The following GABRB1 variants were observed in gnomAD, a reference collection of about 807,000 sequenced individuals.
GABRB1 encodes the protein gamma-aminobutyric acid receptor subunit beta-1.
Under a neutral mutation model 51.6 loss-of-function variants are expected in GABRB1, and 17 were observed. The observed-to-expected ratio is 0.33, with a 90% CI of 0.23 to 0.49. The LOEUF is 0.49. Among genes scored for constraint, GABRB1 ranks in the 20% least tolerant of loss-of-function variants. The pLI, the probability that GABRB1 is intolerant of heterozygous loss-of-function variation, is 0.99. For synonymous variants in GABRB1, 247 were observed against 218.9 expected (o/e 1.13, Z -1.14); for missense variants, 410 against 600.6 (o/e 0.68, Z 3.32).
intron 3 of GABRB1, among the ~76,000 whole-genome samples, chr4:47,052,868 A>G (rs967349346): frequency 4.6e-5 from 7 of 152,244 alleles, no homozygotes; most frequent in Admixed American, 1.3e-4. Flanking sequence ...GAGAGCGAGC[A>G]AGCAAGCTGA....
chr4:47,058,427 C>T (rs999603987), intron 3 of GABRB1, among the ~76,000 whole-genome samples: 2 of 152,132 alleles, frequency 1.3e-5, no homozygotes, highest in Non-Finnish European at 2.9e-5. Flanking sequence ...CAAGGAACTA[C>T]CAGTGGAAGT....
chr4:47,312,047 G>C lies in GABRB1; in HGVS notation c.462-8080G>C, dbSNP rs1163764365. On this transcript the variant is annotated intron_variant, in intron 4 of 8. Transcript: ENST00000295454. ...ACATTTACCCAAGGCTTGTGTGTGT[G>C]TGTGTGTGTGTGTGTGTGTGTGTGC... Among the ~76,000 whole-genome samples, 17 of 16,554 alleles carry C rather than the reference G, an allele frequency of 1.0e-3. 1 individual carries two copies. The South Asian group carries it at 0.024, about 23-fold the overall frequency. 10.9% of individuals were successfully genotyped at this position (16,554 alleles called of 152,430 possible).
intron 4 of GABRB1, among the ~76,000 whole-genome samples, chr4:47,303,386 C>A (rs112934396): frequency 0.31 from 44,358 of 141,362 alleles, 7,269 homozygotes; most frequent in Middle Eastern, 0.42. Context: ...CTCTCTCTCT[C>A]TATATATATA....
At chr4:47,060,090 G>T (rs977548666) in intron 3 of GABRB1, among the ~76,000 whole-genome samples, 1 of 152,094 alleles carries the variant, frequency 6.6e-6, no homozygotes, top group Non-Finnish European at 1.5e-5. Flanking sequence ...ATTCTCTGGG[G>T]CACACACCTT....
intron 3 of GABRB1, among the ~76,000 whole-genome samples, chr4:47,045,972 G>A (rs1726066300): frequency 1.3e-5 from 2 of 152,110 alleles, no homozygotes; most frequent in Admixed American, 1.3e-4. Flanking sequence ...AACCCTATGT[G>A]TTGTGGGAGG....
At chr4:47,192,941 A>G (rs573735991) in intron 4 of GABRB1, among the ~76,000 whole-genome samples, 182 of 152,336 alleles carry the variant, frequency 1.2e-3, no homozygotes, top group Non-Finnish European at 1.7e-3. Flanking sequence ...ACATATAAAG[A>G]CCTGAATAAC....
intron 5 of GABRB1, among the ~76,000 whole-genome samples, chr4:47,333,211 TATATATATATATATATATATATATAC>T (rs1560337933): frequency 5.1e-5 from 4 of 78,900 alleles, no homozygotes; most frequent in East Asian, 4.0e-4. Flanking sequence ...TATATATATA[TATATATATATATATATATATATATAC>T]ACACCACGTA....
At chr4:47,324,821 C>T (rs1011288604) in intron 5 of GABRB1, among the ~76,000 whole-genome samples, 94 of 152,132 alleles carry the variant, frequency 6.2e-4, no homozygotes, top group Non-Finnish European at 9.7e-4. Flanking sequence ...AAATGAATTT[C>T]TTCCTCAGTC....
At chr4:47,324,445 A>T (rs1376902256) in intron 5 of GABRB1, among the ~76,000 whole-genome samples, 1 of 152,038 alleles carries the variant, frequency 6.6e-6, no homozygotes, top group Admixed American at 6.6e-5. Context: ...TCTCATCTTA[A>T]AACACCTCCA....
In GABRB1 at chr4:47,403,331, T is replaced by C. The variant is rs766659904; in HGVS notation, c.558T>C (p.Thr186=). The change falls in exon 6 of 9, where the codon ACT becomes ACC. Residue 186 remains threonine, a synonymous_variant. Transcript: ENST00000295454. ...TLEIESYGYT[T]DDIEFYWNGG... is the part of the protein sequence containing the mutation. ...TATTGGTTTCAGATGGCTATACCAC[T>C]GATGACATTGAATTTTACTGGAATG... The C allele has an allele frequency of 9.9e-6, 16 of 1,614,036 alleles. No individual in the cohort carries two copies. The highest frequency in any genetic ancestry group is 5.0e-5 in the Admixed American group (3 of 60,012).
intron 3 of GABRB1, chr4:47,032,817 G>C: frequency 2.0e-6 from 1 of 501,048 alleles, no homozygotes; most frequent in South Asian, 1.7e-5. Context: ...ACCATCTGCT[G>C]GCAGCCGGGC....
At chr4:47,235,377 C>T (rs1275098006) in intron 4 of GABRB1, among the ~76,000 whole-genome samples, 1 of 152,046 alleles carries the variant, frequency 6.6e-6, no homozygotes, top group Non-Finnish European at 1.5e-5. Context: ...CGGTGAAACC[C>T]GTCTCTACTA....
intron 4 of GABRB1, among the ~76,000 whole-genome samples, chr4:47,277,365 A>G (rs1337508745): frequency 1.3e-5 from 2 of 152,078 alleles, no homozygotes; most frequent in Non-Finnish European, 2.9e-5. Context: ...AGAGGCTCGG[A>G]AGGATAGTGA....
chr4:47,392,624 G>C (rs1037086390), intron 5 of GABRB1, among the ~76,000 whole-genome samples: 3 of 152,070 alleles, frequency 2.0e-5, no homozygotes, highest in African/African-American at 7.2e-5. Flanking sequence ...TTACAGGCGT[G>C]AGCCACCGTG....
chr4:47,210,508 C>T (rs921228352), intron 4 of GABRB1, among the ~76,000 whole-genome samples: 2 of 152,178 alleles, frequency 1.3e-5, no homozygotes, highest in Middle Eastern at 3.4e-3. Flanking sequence ...ATTTTTACAT[C>T]GTGGCATTTC....
chr4:47,365,733 G>A (rs1472276004), intron 5 of GABRB1, among the ~76,000 whole-genome samples: 1 of 152,100 alleles, frequency 6.6e-6, no homozygotes, highest in Non-Finnish European at 1.5e-5. Flanking sequence ...TTCGCTCATC[G>A]CCATGGATTG....
intron 4 of GABRB1, among the ~76,000 whole-genome samples, chr4:47,179,471 A>G (rs1023258146): frequency 3.9e-5 from 6 of 152,100 alleles, no homozygotes; most frequent in Non-Finnish European, 8.8e-5. Flanking sequence ...TACTGTGAAG[A>G]CACGTGCACA....
At position 47,183,822 on chromosome 4, in the gene GABRB1, A is replaced by G. The variant is rs554483447; in HGVS notation, c.461+22353A>G. Reference sequence around the variant, plus strand: ...TGAGGTCAGTGGCTTCTACATTCAAATAGATAATACCATAGACCACTTAAT... The same window carrying G: ...TGAGGTCAGTGGCTTCTACATTCAAGTAGATAATACCATAGACCACTTAAT... On this transcript the variant is annotated intron_variant, in intron 4 of 8. Coordinates refer to ENST00000295454, the MANE Select transcript of GABRB1 (RefSeq NM_000812.4). Among the ~76,000 whole-genome samples, 379 of 151,960 alleles carry G rather than the reference A, an allele frequency of 2.5e-3. 3 individuals are homozygous for G. The highest frequency in any genetic ancestry group is 4.1e-3 in the Non-Finnish European group (280 of 67,882).
At chr4:47,412,908 A>G (rs1728804445) in intron 8 of GABRB1, among the ~76,000 whole-genome samples, 2 of 152,214 alleles carry the variant, frequency 1.3e-5, no homozygotes, top group Admixed American at 1.3e-4. Context: ...AGCATGTGAA[A>G]AAGCTGGCCA....
Sources: gnomAD v4.1 joint callset for allele counts (sites outside exome capture counted in the v4.1 genomes callset) on GRCh38, gnomAD v4.1.1 for gene constraint, MANE v1.5 for transcripts, NCBI Gene and HGNC (gene_info 2026-07-23, HGNC 2026-07-21) for gene names.